The following PRKN variants were observed in gnomAD, a reference collection of about 807,000 sequenced individuals.
PRKN encodes the protein parkin RBR E3 ubiquitin protein ligase, also known as E3 ubiquitin-protein ligase parkin.
PRKN carries 56 observed loss-of-function variants against 59.5 expected under a neutral mutation model. That is an observed-to-expected ratio of 0.94 (90% confidence interval 0.76 to 1.18). The LOEUF is 1.18. Among genes scored for constraint, PRKN ranks in the 50% most tolerant of loss-of-function variants. PRKN has a pLI of 0.00. For synonymous variants in PRKN, 250 were observed against 222.1 expected (o/e 1.13, Z -1.12); for missense variants, 657 against 596.4 (o/e 1.10, Z -1.06).
intron 1 of PRKN, among the ~76,000 whole-genome samples, chr6:162,592,244 C>T (rs1361631730): frequency 3.3e-5 from 5 of 152,078 alleles, no homozygotes; most frequent in African/African-American, 4.8e-5. Context: ...GTGATTTGCC[C>T]GCCTTGGCCT....
chr6:161,898,475 A>AT (rs1314215863), intron 6 of PRKN, among the ~76,000 whole-genome samples: 1 of 152,210 alleles, frequency 6.6e-6, no homozygotes, highest in Non-Finnish European at 1.5e-5. Flanking sequence ...AATGGATATA[A>AT]TTATCTTCAT....
chr6:162,417,120 T>C (rs1788669308), intron 2 of PRKN, among the ~76,000 whole-genome samples: 1 of 152,130 alleles, frequency 6.6e-6, no homozygotes, highest in African/African-American at 2.4e-5. Context: ...GCAAACAATA[T>C]TACTGAAACT....
At chr6:161,615,883 C>A (rs750597080) in intron 7 of PRKN, among the ~76,000 whole-genome samples, 1 of 152,192 alleles carries the variant, frequency 6.6e-6, no homozygotes, top group African/African-American at 2.4e-5. Context: ...GACCACGTAC[C>A]CCGACCTTTT....
At chr6:162,132,299 A>G (rs1330901685) in intron 4 of PRKN, among the ~76,000 whole-genome samples, 1 of 152,078 alleles carries the variant, frequency 6.6e-6, no homozygotes, top group African/African-American at 2.4e-5. Flanking sequence ...CATTGTTTTT[A>G]CAGTGCCTGA....
chr6:161,404,849 A>AC (rs1399561784), intron 9 of PRKN, among the ~76,000 whole-genome samples: 2 of 152,194 alleles, frequency 1.3e-5, no homozygotes, highest in Non-Finnish European at 2.9e-5. Flanking sequence ...AGAGAACCTG[A>AC]CATCCTCTTT....
chr6:162,286,406 T>C (rs779293377), intron 2 of PRKN, among the ~76,000 whole-genome samples: 11 of 152,192 alleles, frequency 7.2e-5, no homozygotes, highest in Non-Finnish European at 1.5e-4. Context: ...TCCTTCCTGA[T>C]AGTATGTAGG....
In PRKN at chr6:161,470,773, C is replaced by T. The variant is rs1790753678; in HGVS notation, c.1083+78081G>A. Among the ~76,000 whole-genome samples the T allele has an allele frequency of 6.6e-6, 1 of 152,160 alleles. No homozygotes were observed. The highest frequency in any genetic ancestry group is 6.5e-5 in the Admixed American group (1 of 15,274). On this transcript the variant is annotated intron_variant, in intron 9 of 11. Transcript: ENST00000366898. This position sits in a 1 kb window ranked among gnomAD's most constrained non-coding sequence, Gnocchi z 5.1. Reference sequence around the variant, plus strand: ...GTGGACTGTTCCAGTGATGTGCCTACCCTGAGCCCGAAGGCTGCCTGAAGG... The same window carrying T: ...GTGGACTGTTCCAGTGATGTGCCTATCCTGAGCCCGAAGGCTGCCTGAAGG...
intron 5 of PRKN, among the ~76,000 whole-genome samples, chr6:161,987,634 T>C (rs1272589090): frequency 6.6e-6 from 1 of 152,246 alleles, no homozygotes; most frequent in Non-Finnish European, 1.5e-5. Context: ...TTAAATATTG[T>C]GTTATTTTTT....
chr6:162,386,713 T>C (rs1786835839), intron 2 of PRKN, among the ~76,000 whole-genome samples: 1 of 152,174 alleles, frequency 6.6e-6, no homozygotes, highest in African/African-American at 2.4e-5. Flanking sequence ...TGCATGTGTG[T>C]GCGCAGGTAT....
At chr6:161,432,355 A>ATTTTTTTTTTTTTTTTTTTTTTTTTTT (rs1188841520) in intron 9 of PRKN, among the ~76,000 whole-genome samples, 2 of 92,184 alleles carry the variant, frequency 2.2e-5, no homozygotes, top group African/African-American at 4.5e-5. Flanking sequence ...ACTTCCTCTG[A>ATTTTTTTTTTTTTTTTTTTTTTTTTTT]TTTTTTTTTT....
intron 6 of PRKN, among the ~76,000 whole-genome samples, chr6:161,946,597 C>T (rs1423187583): frequency 2.0e-5 from 3 of 151,998 alleles, no homozygotes; most frequent in Non-Finnish European, 2.9e-5. Context: ...ACAGTGAATG[C>T]CTTCCTTTCC....
chr6:162,515,359 A>G lies in PRKN; in HGVS notation c.8-71886T>C, dbSNP rs1302174231. Among the ~76,000 whole-genome samples, 4 of 152,198 alleles carry G rather than the reference A, an allele frequency of 2.6e-5. No homozygotes were observed. The East Asian group carries it at 7.7e-4, about 29-fold the overall frequency. ...CAGCCTTCCAGAGTGGTGGGATTAT[A>G]GGCATGAGCCACCGCACCTGGTGAC... is the stretch of plus-strand genomic sequence containing the variant. On this transcript the variant is annotated intron_variant, in intron 1 of 11. Transcript: ENST00000366898.
rs1038902407 is a variant in PRKN at position 162,165,530 on chromosome 6, A to G, written c.534+35601T>C. 2.7e-5 allele frequency among the ~76,000 whole-genome samples: 4 copies of G among 149,482 alleles called. 1 individual carries two copies. The highest frequency in any genetic ancestry group is 1.0e-4 in the African/African-American group (4 of 39,816). ...GAAGAGACATCACGAAAAGAAAAAT[A>G]TGAATCACTAACCAGCACGTAAGAA... is the stretch of plus-strand genomic sequence containing the variant. On this transcript the variant is annotated intron_variant, in intron 4 of 11. Coordinates refer to ENST00000366898, the MANE Select transcript of PRKN (RefSeq NM_004562.3).
chr6:162,346,416 GA>G (rs1399786008), intron 2 of PRKN, among the ~76,000 whole-genome samples: 1 of 143,112 alleles, frequency 7.0e-6, no homozygotes, highest in Admixed American at 7.3e-5. Flanking sequence ...AGGAGTTCGA[GA>G]CCAGCCTGGG....
intron 9 of PRKN, among the ~76,000 whole-genome samples, chr6:161,450,806 T>C (rs549891458): frequency 3.4e-4 from 52 of 152,258 alleles, no homozygotes; most frequent in African/African-American, 1.2e-3. Context: ...CTGCCCACCC[T>C]GGCCTCCCAA....
At chr6:162,526,273 A>G (rs1167240660) in intron 1 of PRKN, among the ~76,000 whole-genome samples, 1 of 151,478 alleles carries the variant, frequency 6.6e-6, no homozygotes, top group African/African-American at 2.4e-5. Context: ...GGCTAAGGGA[A>G]AAAAAAAAAC....
intron 4 of PRKN, among the ~76,000 whole-genome samples, chr6:162,158,335 C>T (rs1782609338): frequency 6.6e-6 from 1 of 151,772 alleles, no homozygotes. Flanking sequence ...AACATGCTGC[C>T]CAGATCTTTC....
At chr6:162,014,762 C>G (rs1329815058) in intron 5 of PRKN, among the ~76,000 whole-genome samples, 1 of 152,064 alleles carries the variant, frequency 6.6e-6, no homozygotes, top group East Asian at 1.9e-4. Flanking sequence ...CACTCAGTCC[C>G]CTTCACTCCT....
At chr6:162,111,250 G>T (rs932054291) in intron 4 of PRKN, among the ~76,000 whole-genome samples, 1 of 152,086 alleles carries the variant, frequency 6.6e-6, no homozygotes, top group African/African-American at 2.4e-5. Context: ...CAGATCACGA[G>T]GTCAGGAGAT....
Sources: allele counts gnomAD v4.1 joint callset (sites outside exome capture counted in the v4.1 genomes callset), GRCh38; gene constraint gnomAD v4.1.1; non-coding constraint Gnocchi (gnomAD v3.1); transcripts MANE v1.5; gene names NCBI Gene and HGNC (gene_info 2026-07-23, HGNC 2026-07-21).